The following VEZF1 variants were observed in gnomAD, a reference collection of about 807,000 sequenced individuals.
VEZF1 encodes putative transcription factor DB1.
Under a neutral mutation model 44.1 loss-of-function variants are expected in VEZF1, and 5 were observed. That is an observed-to-expected ratio of 0.11 (90% CI 0.06 to 0.24). The LOEUF (loss-of-function observed/expected upper bound fraction) is 0.24, where lower values mean the gene tolerates loss of function less well. Ranked by LOEUF, VEZF1 falls within the 10% of genes least tolerant of loss-of-function variation. The probability of loss-of-function intolerance (pLI) is 1.00; values close to 1 mark genes in which losing one functional copy is unlikely to be tolerated. For missense variants in VEZF1, 358 were observed against 641.8 expected (o/e 0.56, Z 4.78); for synonymous variants, 236 against 233.1 (o/e 1.01, Z -0.11).
chr17:57,982,335 G>C (rs922455113), intron 2 of VEZF1, among the ~76,000 whole-genome samples: 10 of 152,108 alleles, frequency 6.6e-5, no homozygotes, highest in African/African-American at 2.4e-4. Context: ...GAGTATCCAA[G>C]GTCATCCCAA....
At chr17:57,981,042 G>A (rs979079929) in intron 3 of VEZF1, among the ~76,000 whole-genome samples, 1 of 152,282 alleles carries the variant, frequency 6.6e-6, no homozygotes, top group South Asian at 2.1e-4. Context: ...TTAAACCTGG[G>A]TTTAAGTTGA....
In VEZF1 at chr17:57,984,657, C is replaced by G. The variant is rs2075279569; in HGVS notation, c.34-1264G>C. 3.3e-5 allele frequency among the ~76,000 whole-genome samples: 5 copies of G among 152,254 alleles called. No homozygotes were observed. In the South Asian group the frequency reaches 1.0e-3, roughly 32 times the overall value. ...CTATAACCACAAGTCCCACAGCTAA[C>G]TTAAGGACAAAAAAACAAAGAGAAA... On this transcript the variant is annotated intron_variant, in intron 1 of 5. Coordinates refer to ENST00000581208, the MANE Select transcript of VEZF1 (RefSeq NM_007146.3).
chr17:57,978,258 C>T (rs1233672602), intron 5 of VEZF1, among the ~76,000 whole-genome samples: 1 of 150,290 alleles, frequency 6.7e-6, no homozygotes, highest in Non-Finnish European at 1.5e-5. Flanking sequence ...AAGAGCCACA[C>T]TACATGAAAG....
chr17:57,988,096 T>G lies in VEZF1; in HGVS notation c.16A>C (p.Thr6Pro). 1.4e-6 allele frequency: 1 copy of G among 726,032 alleles called. No individual in the cohort carries two copies. The highest frequency in any genetic ancestry group is 1.8e-6 in the Non-Finnish European group (1 of 561,490). The allele number at this position is 726,032 out of a possible 1,614,324, so 45.0% of individuals were successfully genotyped here. A position where few individuals can be genotyped will look rare whatever the true frequency, so the allele number is the denominator to read the frequency against. ...CCCAGTACCTGGAACAGGAACGCGG[T>G]CCAGTTGGCCTCCATGGCTGCGGCG... MEANW[T>P]AFLFQAHEAS... The change falls in exon 1 of 6, where the codon ACC becomes CCC. Residue 6 changes from threonine (T) to proline (P), a missense_variant. Physicochemically the swap from Thr to Pro is conservative, Grantham distance 38. Coordinates refer to ENST00000581208, the MANE Select transcript of VEZF1 (RefSeq NM_007146.3).
Position 57,983,282 on chromosome 17 carries a change from T to A in VEZF1, c.145A>T (p.Thr49Ser), listed in dbSNP as rs779615532. The change falls in exon 2 of 6, where the codon ACT (threonine) becomes TCT (serine). Residue 49 changes from threonine to serine, a missense_variant. Thr to Ser is a moderately conservative substitution (Grantham distance 58). This residue lies in a region of VEZF1 where 117 missense variants were observed against 207.2 expected (regional missense o/e 0.56). Coordinates refer to ENST00000581208, the MANE Select transcript of VEZF1 (RefSeq NM_007146.3). ...TCTGGTGCACCCTGAGGTTTCTGAG[T>A]TATTGGTATTGGAAGCAATGGTTTC... ...DQKPLLPIPI[T>S]QKPQGAPETL... 29 of 1,614,054 alleles carry A rather than the reference T, an allele frequency of 1.8e-5. No homozygotes were observed. The South Asian group carries it at 3.1e-4, about 17-fold the overall frequency.
At chr17:57,981,778 A>T in intron 3 of VEZF1, 95 bp downstream of exon 3, 3 of 1,190,576 alleles carry the variant, frequency 2.5e-6, no homozygotes, top group Non-Finnish European at 2.5e-6. Flanking sequence ...CAGTGATTTT[A>T]AGACTATTCA....
At chr17:57,975,001 A>C (rs2075175503) in intron 5 of VEZF1, 101 bp from the exon 6 acceptor site, 1 of 1,300,610 alleles carries the variant, frequency 7.7e-7, no homozygotes, top group African/African-American at 1.5e-5. Context: ...TCAAACATTT[A>C]ATAAATCAAA....
rs1037306125 is a variant in VEZF1, at chr17:57,973,286, A to T, written c.*1187T>A. 6.6e-6 allele frequency: 1 copy of T among 152,266 alleles called. No homozygotes were observed. The allele number at this position is 152,266 out of a possible 1,614,324, so 9.4% of individuals were successfully genotyped here. Reference sequence around the variant, plus strand: ...CAGCTGTCTCCCTGAAAACACCACAAAGCTGATACAAGTGTTTTCTCAAAG... The same window carrying T: ...CAGCTGTCTCCCTGAAAACACCACATAGCTGATACAAGTGTTTTCTCAAAG... On this transcript the variant is annotated 3_prime_UTR_variant, in exon 6 of 6. Coordinates refer to ENST00000581208, the MANE Select transcript of VEZF1 (RefSeq NM_007146.3).
rs2075159684 is a variant in VEZF1, at chr17:57,973,613, G to A, written c.*860C>T. 2 of 152,550 alleles carry A rather than the reference G, an allele frequency of 1.3e-5. No individual in the cohort carries two copies. The highest frequency in any genetic ancestry group is 1.9e-4 in the East Asian group (1 of 5,188). The allele number at this position is 152,550 out of a possible 1,614,324, so 9.4% of individuals were successfully genotyped here. On this transcript the variant is annotated 3_prime_UTR_variant, in exon 6 of 6. Transcript: ENST00000581208. The stretch of plus-strand genomic sequence containing the variant: ...AGCAATATATTTGTACTGTTCCAAA[G>A]TACTCCTTGGCTCCTAAATAGGAAT...
At chr17:57,986,013 C>T (rs1257787612) in intron 1 of VEZF1, 1 of 152,188 alleles carries the variant, frequency 6.6e-6, no homozygotes, top group Non-Finnish European at 1.5e-5. Flanking sequence ...GAAATATTCT[C>T]TTTACCCATT....
At chr17:57,978,031 T>C (rs2075209344) in intron 5 of VEZF1, among the ~76,000 whole-genome samples, 1 of 151,672 alleles carries the variant, frequency 6.6e-6, no homozygotes, top group Non-Finnish European at 1.5e-5. Flanking sequence ...GGCAAAACCC[T>C]GTCTCTAGTA....
rs1426212587 is a variant in VEZF1 at position 57,973,551 on chromosome 17, T to A, written c.*922A>T. ...GCTCTGATTGGGAGAGAGAGGGGCATATCACATCCCAGTGCCTCCAGCGTC... is the reference window on the plus strand; with the variant it reads ...GCTCTGATTGGGAGAGAGAGGGGCAAATCACATCCCAGTGCCTCCAGCGTC... On this transcript the variant is annotated 3_prime_UTR_variant, in exon 6 of 6. Transcript: ENST00000581208. 6.6e-6 allele frequency: 1 copy of A among 152,580 alleles called. No homozygotes were observed. Among genetic ancestry groups the A allele is most frequent in the Non-Finnish European group, 1.5e-5 (1 of 68,032 alleles). 9.5% of individuals were successfully genotyped at this position (152,580 alleles called of 1,614,324 possible).
At chr17:57,981,361 T>C (rs796086665) in intron 3 of VEZF1, among the ~76,000 whole-genome samples, 6 of 152,336 alleles carry the variant, frequency 3.9e-5, no homozygotes, top group African/African-American at 1.4e-4. Flanking sequence ...TTAGCAAAAT[T>C]CTTAATGTTT....
intron 4 of VEZF1, 81 bp downstream of exon 4, chr17:57,980,522 A>T: frequency 7.3e-7 from 1 of 1,376,374 alleles, no homozygotes; most frequent in South Asian, 1.2e-5. Flanking sequence ...GGTGAATATT[A>T]ATACCTTTGA....
chr17:57,974,734 G>A lies in VEZF1; in HGVS notation c.1305C>T (p.Asn435=). 1.2e-6 allele frequency: 2 copies of A among 1,614,176 alleles called. No homozygotes were observed. The highest frequency in any genetic ancestry group is 1.7e-6 in the Non-Finnish European group (2 of 1,180,036). ...GCCCTATGTTCATTGGGCTGGTTAT[G>A]TTAACTGCACTTGAAACATTTACTG... is the stretch of plus-strand genomic sequence containing the variant. ...RSPVNVSSAV[N]ITSPMNIGHP... is the part of the protein sequence containing the mutation. The change falls in exon 6 of 6, where the codon AAC becomes AAT. Residue 435 remains asparagine (N), a synonymous_variant. Coordinates refer to ENST00000581208, the MANE Select transcript of VEZF1 (RefSeq NM_007146.3).
intron 3 of VEZF1, among the ~76,000 whole-genome samples, chr17:57,981,514 AC>A (rs1358694749): frequency 1.3e-5 from 2 of 152,258 alleles, no homozygotes; most frequent in Admixed American, 1.3e-4. Context: ...TTCTCCTATT[AC>A]AGTTAAAACA....
intron 1 of VEZF1, among the ~76,000 whole-genome samples, chr17:57,986,549 A>G (rs1567742061): frequency 6.6e-6 from 1 of 152,232 alleles, no homozygotes; most frequent in Admixed American, 6.5e-5. Flanking sequence ...CAATAAAACA[A>G]CACTGATCAG....
At chr17:57,985,255 G>A in intron 1 of VEZF1, 1 of 1,231,498 alleles carries the variant, frequency 8.1e-7, no homozygotes, top group Non-Finnish European at 1.0e-6. Context: ...AGCACTTACT[G>A]CCATTTTACC....
At chr17:57,975,414 C>T (rs941207984) in intron 5 of VEZF1, among the ~76,000 whole-genome samples, 10 of 152,212 alleles carry the variant, frequency 6.6e-5, no homozygotes, top group South Asian at 2.1e-4. Context: ...GAGAGGTGTG[C>T]ATACTCAATA....
Sources: allele counts gnomAD v4.1 joint callset (sites outside exome capture counted in the v4.1 genomes callset), GRCh38; gene constraint gnomAD v4.1.1; regional missense constraint gnomAD v4.1.1; transcripts MANE v1.5; gene names NCBI Gene and HGNC (gene_info 2026-07-23, HGNC 2026-07-21).